Variants in TRABD2A observed in about 807,000 individuals in gnomAD.
TRABD2A encodes the protein TraB domain containing 2A, also known as metalloprotease TIKI1.
TRABD2A carries 43 observed loss-of-function variants against 45.6 expected under a neutral mutation model. The ratio of observed to expected loss-of-function variants is 0.94; its 90% CI spans 0.74 to 1.22. TRABD2A has a LOEUF of 1.22. Ranked by LOEUF, TRABD2A falls within the 50% of genes most tolerant of loss-of-function variation. The pLI is 0.00. For missense variants in TRABD2A, 642 were observed against 652.4 expected (o/e 0.98, Z 0.17); for synonymous variants, 269 against 265.0 (o/e 1.02, Z -0.15).
chr2:84,842,513 G>A (rs990360184), intron 2 of TRABD2A, among the ~76,000 whole-genome samples: 10 of 152,092 alleles, frequency 6.6e-5, no homozygotes, highest in African/African-American at 2.2e-4. Flanking sequence ...GGGAAATGAA[G>A]GCTAAAGAAA....
chr2:84,863,597 C>CTTTTTTT (rs55952015), intron 2 of TRABD2A, among the ~76,000 whole-genome samples: 21 of 78,112 alleles, frequency 2.7e-4, no homozygotes, highest in Non-Finnish European at 3.5e-4. Flanking sequence ...TTCAAATTTT[C>CTTTTTTT]TTTTTTTTTT....
chr2:84,868,145 T>C (rs947177204), intron 2 of TRABD2A, among the ~76,000 whole-genome samples: 3 of 152,212 alleles, frequency 2.0e-5, no homozygotes, highest in African/African-American at 2.4e-5. Flanking sequence ...CACATGTTTA[T>C]TGTGGCACTA....
At chr2:84,838,413 T>C (rs1681591096) in intron 4 of TRABD2A, among the ~76,000 whole-genome samples, 1 of 152,230 alleles carries the variant, frequency 6.6e-6, no homozygotes. Flanking sequence ...AGTGTTCTTA[T>C]TGCTGCTATG....
Position 84,871,892 on chromosome 2 carries a change from G to T in TRABD2A, c.109-1107C>A, listed in dbSNP as rs186389575. 3.0e-4 allele frequency among the ~76,000 whole-genome samples: 45 copies of T among 152,268 alleles called. No individual in the cohort carries two copies. The South Asian group carries it at 7.7e-3, about 26-fold the overall frequency. The stretch of plus-strand genomic sequence containing the variant: ...TTACAGTTTGCTCTTGTCCCTTTAG[G>T]ACGTGGATCACACTTATTTCTCTCA... On this transcript the variant is annotated intron_variant, in intron 1 of 6. Coordinates refer to ENST00000409520, the MANE Select transcript of TRABD2A (RefSeq NM_001277053.2).
chr2:84,848,395 CAGACAGACAGACAGACAGATAGAT>C (rs1192166733), intron 2 of TRABD2A, among the ~76,000 whole-genome samples: 2 of 146,398 alleles, frequency 1.4e-5, no homozygotes, highest in African/African-American at 5.4e-5. Flanking sequence ...GACAGACAGA[CAGACAGACAGACAGACAGATAGAT>C]AGTCTCCACT....
At chr2:84,851,120 T>G (rs1246820235) in intron 2 of TRABD2A, 2 of 152,248 alleles carry the variant, frequency 1.3e-5, no homozygotes, top group East Asian at 3.8e-4. Context: ...AGAAAGGCCT[T>G]ATTTATTGAG....
intron 2 of TRABD2A, chr2:84,843,883 G>A (rs1681795540): frequency 6.6e-6 from 1 of 152,220 alleles, no homozygotes; most frequent in Admixed American, 6.5e-5. Flanking sequence ...CTTCCACATA[G>A]TTTACCTCCC....
intron 5 of TRABD2A, among the ~76,000 whole-genome samples, chr2:84,829,136 C>T (rs551100223): frequency 6.6e-6 from 1 of 152,236 alleles, no homozygotes; most frequent in South Asian, 2.1e-4. Context: ...CCCTTGCGGG[C>T]TGGTTTTGAG....
chr2:84,870,301 C>T lies in TRABD2A; in HGVS notation c.593G>A (p.Arg198Gln), dbSNP rs201117229. Residue 198 changes from arginine to glutamine, a missense_variant, in exon 2 of 7, where the codon CGG becomes CAG. Transcript: ENST00000409520. ...CACTGCCCCAGTCTGTTTCCTCAGCCGCTCAGCCTCCTGGGCAAGGAACAG... is the reference window on the plus strand; with the variant it reads ...CACTGCCCCAGTCTGTTTCCTCAGCTGCTCAGCCTCCTGGGCAAGGAACAG... ...LDLFLAQEAE[R>Q]LRKQTGAVEK... The T allele has an allele frequency of 1.2e-4, 197 of 1,614,006 alleles. 2 individuals carry two copies. The highest frequency in any genetic ancestry group is 8.2e-4 in the Middle Eastern group (5 of 6,062).
Position 84,863,406 on chromosome 2 carries a change from G to A in TRABD2A, c.669+6819C>T, listed in dbSNP as rs570390600. On this transcript the variant is annotated intron_variant, in intron 2 of 6. Transcript: ENST00000409520. ...ACTACAGGCGCCAGCCATCACGCCC[G>A]GCTAATTTTTTGTATTTTTAGTAGA... 9.8e-4 allele frequency among the ~76,000 whole-genome samples: 148 copies of A among 150,900 alleles called. 1 individual carries two copies. The highest frequency in any genetic ancestry group is 3.4e-3 in the African/African-American group (140 of 41,134).
At chr2:84,861,661 C>T (rs982612921) in intron 2 of TRABD2A, among the ~76,000 whole-genome samples, 3 of 152,184 alleles carry the variant, frequency 2.0e-5, no homozygotes, top group South Asian at 2.1e-4. Flanking sequence ...CAACAACCAT[C>T]GGCAGCCTCT....
At chr2:84,831,241 C>A (rs765692532) in intron 5 of TRABD2A, among the ~76,000 whole-genome samples, 67 of 152,128 alleles carry the variant, frequency 4.4e-4, no homozygotes, top group Admixed American at 1.4e-3. Context: ...CGGCCATCTA[C>A]AAGCCAAACA....
intron 2 of TRABD2A, among the ~76,000 whole-genome samples, chr2:84,866,068 C>A (rs1057331677): frequency 1.2e-4 from 19 of 152,246 alleles, no homozygotes; most frequent in African/African-American, 4.3e-4. Flanking sequence ...AGGGTCCTAA[C>A]CTGTTGCCAG....
chr2:84,835,324 G>A (rs1681466220), intron 4 of TRABD2A: 1 of 152,172 alleles, frequency 6.6e-6, no homozygotes, highest in African/African-American at 2.4e-5. Context: ...CCACAGACTG[G>A]GTCATTTATA....
intron 2 of TRABD2A, among the ~76,000 whole-genome samples, chr2:84,863,239 C>CTTTTTTTTTTTTTGTTTTTTTTTTTTT (rs1682555632): frequency 1.0e-5 from 1 of 98,132 alleles, no homozygotes; most frequent in African/African-American, 4.4e-5. Flanking sequence ...TCATGTGAAT[C>CTTTTTTTTTTTTTGTTTTTTTTTTTTT]TTTTTTTTTT....
At chr2:84,834,169 G>A (rs1274748987) in intron 4 of TRABD2A, 1 of 152,168 alleles carries the variant, frequency 6.6e-6, no homozygotes, top group African/African-American at 2.4e-5. Context: ...CTCATCTGGG[G>A]TCTGCACCAC....
In TRABD2A at chr2:84,829,408, C is replaced by T. The variant is rs1171123216; in HGVS notation, c.1082+2647G>A. ...CACACACACACACACACCACACACA[C>T]CACACATACCACACACACTACACAC... On this transcript the variant is annotated intron_variant, in intron 5 of 6. Coordinates refer to ENST00000409520, the MANE Select transcript of TRABD2A (RefSeq NM_001277053.2). Among the ~76,000 whole-genome samples the T allele has an allele frequency of 5.5e-5, 8 of 146,250 alleles. No individual in the cohort carries two copies. In the Admixed American group the frequency reaches 5.5e-4, roughly 10 times the overall value.
intron 3 of TRABD2A, among the ~76,000 whole-genome samples, chr2:84,840,999 C>T (rs935455037): frequency 2.6e-5 from 4 of 152,126 alleles, no homozygotes; most frequent in South Asian, 4.1e-4. Flanking sequence ...TGGTTGGGTC[C>T]CCAGATTTAA....
At chr2:84,828,376 C>T (rs75346087) in intron 5 of TRABD2A, among the ~76,000 whole-genome samples, 4,837 of 152,326 alleles carry the variant, frequency 0.032, 92 homozygotes, top group Middle Eastern at 0.075. Flanking sequence ...GCCCTGGATT[C>T]AAGTTCCACA....
Sources: allele counts gnomAD v4.1 joint callset (sites outside exome capture counted in the v4.1 genomes callset), GRCh38; gene constraint gnomAD v4.1.1; transcripts MANE v1.5; gene names NCBI Gene and HGNC (gene_info 2026-07-23, HGNC 2026-07-21).